Variants in DLGAP2 observed in about 807,000 individuals in gnomAD.
DLGAP2 encodes DLG associated protein 2, also known as disks large-associated protein 2.
In DLGAP2, 26 loss-of-function variants were observed where a neutral mutation model predicts 100.3. The observed-to-expected ratio is 0.26, with a 90% CI of 0.19 to 0.36. DLGAP2 has a LOEUF of 0.36. Ranked by LOEUF, DLGAP2 falls within the 10% of genes least tolerant of loss-of-function variation. The probability of loss-of-function intolerance (pLI) is 1.00; values close to 1 mark genes in which losing one functional copy is unlikely to be tolerated. For synonymous variants in DLGAP2, 886 were observed against 630.1 expected (o/e 1.41, Z -6.08); for missense variants, 1,858 against 1,453.2 (o/e 1.28, Z -4.53).
At chr8:1,639,921 T>C (rs1406854240) in intron 8 of DLGAP2, among the ~76,000 whole-genome samples, 1 of 152,140 alleles carries the variant, frequency 6.6e-6, no homozygotes, top group Non-Finnish European at 1.5e-5. Context: ...TCCAGGATCA[T>C]CTCCCCATCT....
chr8:1,191,603 C>T (rs7819917), intron 2 of DLGAP2, among the ~76,000 whole-genome samples: 2 of 152,182 alleles, frequency 1.3e-5, no homozygotes, highest in African/African-American at 2.4e-5. Context: ...ACAAGACAGG[C>T]AGCCACAACG....
intron 6 of DLGAP2, among the ~76,000 whole-genome samples, chr8:1,566,926 C>A (rs763424377): frequency 6.6e-6 from 1 of 152,222 alleles, no homozygotes; most frequent in African/African-American, 2.4e-5. Context: ...GTAGGAATGC[C>A]AGACAAGTCA....
At chr8:986,684 G>C (rs1800496500) in intron 2 of DLGAP2, among the ~76,000 whole-genome samples, 1 of 145,048 alleles carries the variant, frequency 6.9e-6, no homozygotes, top group Admixed American at 6.9e-5. Flanking sequence ...TTTTGAGACA[G>C]AGTCTCACTC....
chr8:854,497 A>G (rs1797239428), intron 1 of DLGAP2, among the ~76,000 whole-genome samples: 1 of 150,290 alleles, frequency 6.7e-6, no homozygotes, highest in South Asian at 2.1e-4. Flanking sequence ...AGAAGGGGGG[A>G]GGTGGGTGAG....
chr8:852,251 G>A (rs1300457750), intron 1 of DLGAP2, among the ~76,000 whole-genome samples: 2 of 152,138 alleles, frequency 1.3e-5, no homozygotes, highest in Admixed American at 6.5e-5. Context: ...ACAGACTTCC[G>A]TGTCCCCTCT....
chr8:950,714 C>T (rs35764393), intron 2 of DLGAP2, among the ~76,000 whole-genome samples: 17,737 of 150,512 alleles, frequency 0.12, 1,540 homozygotes, highest in Admixed American at 0.26. Flanking sequence ...CTCCGCCTCT[C>T]GGGTTCAAGC....
chr8:1,349,789 C>T (rs1282678848), intron 3 of DLGAP2, among the ~76,000 whole-genome samples: 1 of 152,266 alleles, frequency 6.6e-6, no homozygotes, highest in Non-Finnish European at 1.5e-5. Context: ...GGTGACTTTA[C>T]AGAGAAGTGC....
chr8:1,607,782 C>T (rs1252145106), intron 6 of DLGAP2, among the ~76,000 whole-genome samples: 54 of 152,144 alleles, frequency 3.5e-4, no homozygotes, highest in African/African-American at 1.0e-3. Flanking sequence ...GGGTGACGGA[C>T]GCACCTGGAA....
At chr8:1,595,681 A>AAG (rs886351292) in intron 6 of DLGAP2, among the ~76,000 whole-genome samples, 4 of 133,104 alleles carry the variant, frequency 3.0e-5, no homozygotes, top group Non-Finnish European at 6.4e-5. Context: ...CTCAAAAAAA[A>AAG]AAAAAAAAAA....
At chr8:1,416,242 T>A (rs1412263638) in intron 3 of DLGAP2, among the ~76,000 whole-genome samples, 1 of 152,104 alleles carries the variant, frequency 6.6e-6, no homozygotes, top group Non-Finnish European at 1.5e-5. Flanking sequence ...CCAGCGTCCA[T>A]ACAGAGTGGC....
intron 12 of DLGAP2, among the ~76,000 whole-genome samples, chr8:1,683,520 G>A (rs978174300): frequency 1.3e-5 from 2 of 151,280 alleles, no homozygotes; most frequent in Non-Finnish European, 3.0e-5. Context: ...CACCTCTGCT[G>A]TCATTTGAGA....
intron 5 of DLGAP2, among the ~76,000 whole-genome samples, chr8:1,554,411 G>A (rs1323240174): frequency 6.6e-6 from 1 of 152,178 alleles, no homozygotes; most frequent in African/African-American, 2.4e-5. Context: ...CATCAGAGTT[G>A]GGTGTGGTGG....
intron 3 of DLGAP2, among the ~76,000 whole-genome samples, chr8:1,318,342 C>G (rs562372021): frequency 1.4e-4 from 21 of 152,036 alleles, no homozygotes; most frequent in Admixed American, 1.1e-3. Flanking sequence ...CTTTACTTTC[C>G]TGGATTTATT....
intron 3 of DLGAP2, among the ~76,000 whole-genome samples, chr8:1,326,111 C>T (rs1801015147): frequency 6.6e-6 from 1 of 152,126 alleles, no homozygotes; most frequent in Non-Finnish European, 1.5e-5. Context: ...TCGATGGTTT[C>T]TTGACTTGCT....
At chr8:1,472,923 C>G (rs1798839764) in intron 3 of DLGAP2, among the ~76,000 whole-genome samples, 1 of 152,108 alleles carries the variant, frequency 6.6e-6, no homozygotes, top group Non-Finnish European at 1.5e-5. Flanking sequence ...CTTATGTCCT[C>G]ACAATATAAT....
At chr8:1,173,270 G>C (rs927666697) in intron 2 of DLGAP2, among the ~76,000 whole-genome samples, 3 of 152,180 alleles carry the variant, frequency 2.0e-5, no homozygotes, top group African/African-American at 7.2e-5. Flanking sequence ...ACCCGGCCAC[G>C]TGAGGTGTCA....
At chr8:1,595,711 GC>G (rs1438429625) in intron 6 of DLGAP2, among the ~76,000 whole-genome samples, 1 of 149,606 alleles carries the variant, frequency 6.7e-6, no homozygotes, top group Admixed American at 6.6e-5. Flanking sequence ...CATTCCGGAA[GC>G]CCCCAGCGAG....
intron 2 of DLGAP2, among the ~76,000 whole-genome samples, chr8:1,000,305 A>G (rs370215057): frequency 2.3e-4 from 34 of 145,118 alleles, no homozygotes; most frequent in Admixed American, 1.7e-3. Flanking sequence ...TTTCTTTTGC[A>G]CTTGATGTTC....
chr8:810,976 G>A (rs1204985379), intron 1 of DLGAP2, among the ~76,000 whole-genome samples: 1 of 152,126 alleles, frequency 6.6e-6, no homozygotes. Context: ...AGCGTACGGC[G>A]GGGTGAACTT....
Sources: gnomAD v4.1 joint callset for allele counts (sites outside exome capture counted in the v4.1 genomes callset) on GRCh38, gnomAD v4.1.1 for gene constraint, MANE v1.5 for transcripts, NCBI Gene and HGNC (gene_info 2026-07-23, HGNC 2026-07-21) for gene names.